PTPRD: variants seen among roughly 807,000 people sequenced by gnomAD.
PTPRD encodes the protein receptor-type tyrosine-protein phosphatase delta.
Under a neutral mutation model 214.5 loss-of-function variants are expected in PTPRD, and 34 were observed. The observed-to-expected ratio is 0.16, with a 90% CI of 0.12 to 0.21. The LOEUF is 0.21. PTPRD is among the 10% of genes least tolerant of loss of function. The pLI is 1.00. For synonymous variants in PTPRD, 1,128 were observed against 845.7 expected (o/e 1.33, Z -5.79); for missense variants, 2,545 against 2,398.7 (o/e 1.06, Z -1.27).
At chr9:8,929,593 G>T (rs1274693653) in intron 11 of PTPRD, among the ~76,000 whole-genome samples, 1 of 151,494 alleles carries the variant, frequency 6.6e-6, no homozygotes, top group African/African-American at 2.4e-5. Flanking sequence ...CGGTTTGCCA[G>T]TATTTTATTG....
intron 11 of PTPRD, among the ~76,000 whole-genome samples, chr9:8,933,298 G>C (rs1184158715): frequency 7.3e-6 from 1 of 136,892 alleles, no homozygotes; most frequent in African/African-American, 2.7e-5. Context: ...TTGCAGACCA[G>C]AGCTGTTCCT....
At chr9:8,414,800 C>A (rs78634967) in intron 35 of PTPRD, among the ~76,000 whole-genome samples, 1,802 of 149,384 alleles carry the variant, frequency 0.012, 50 homozygotes, top group African/African-American at 0.042. Context: ...TCTAGGCAAG[C>A]TTCATGACAG....
intron 7 of PTPRD, among the ~76,000 whole-genome samples, chr9:9,699,876 T>C (rs2097458157): frequency 6.6e-6 from 1 of 152,224 alleles, no homozygotes; most frequent in South Asian, 2.1e-4. Context: ...GCTCATTTAA[T>C]CTAGGGTTGC....
rs531447984 is a variant in PTPRD at position 10,454,429 on chromosome 9, G to A, written c.-599-113412C>T. Among the ~76,000 whole-genome samples the A allele has an allele frequency of 1.3e-4, 20 of 151,648 alleles. No homozygotes were observed. The South Asian group carries it at 4.1e-3, about 31-fold the overall frequency. On this transcript the variant is annotated intron_variant, in intron 2 of 45. Transcript: ENST00000381196. ...CTCAGAATACTTTTTTTAAAAAACT[G>A]AAATTGATTACTTGTACTTTGTCAT...
At chr9:10,177,795 A>G (rs1451688281) in intron 3 of PTPRD, among the ~76,000 whole-genome samples, 1 of 151,980 alleles carries the variant, frequency 6.6e-6, no homozygotes, top group Admixed American at 6.6e-5. Flanking sequence ...TCATATTTAA[A>G]TACTGACTCA....
intron 11 of PTPRD, chr9:8,857,493 G>A (rs981535892): frequency 1.3e-5 from 2 of 152,210 alleles, no homozygotes; most frequent in African/African-American, 2.4e-5. Context: ...GTGCGCTCCG[G>A]TGCCCGGGCG....
chr9:9,649,990 CA>C (rs1308551497), intron 7 of PTPRD, among the ~76,000 whole-genome samples: 6 of 151,992 alleles, frequency 3.9e-5, no homozygotes, highest in African/African-American at 1.4e-4. Flanking sequence ...GAAAGCATGC[CA>C]GGGGTAGAAT....
At chr9:9,571,022 G>A (rs1215849643) in intron 8 of PTPRD, among the ~76,000 whole-genome samples, 1 of 151,242 alleles carries the variant, frequency 6.6e-6, no homozygotes, top group Admixed American at 6.6e-5. Context: ...TACATTATGA[G>A]TTACTCTTAA....
At chr9:10,327,000 G>A (rs1248356225) in intron 3 of PTPRD, among the ~76,000 whole-genome samples, 1 of 151,192 alleles carries the variant, frequency 6.6e-6, no homozygotes, top group East Asian at 2.0e-4. Context: ...ATGTTCAAAC[G>A]ATCTTGTAAT....
At chr9:9,719,044 C>G (rs554266018) in intron 7 of PTPRD, among the ~76,000 whole-genome samples, 1 of 152,304 alleles carries the variant, frequency 6.6e-6, no homozygotes, top group Admixed American at 6.5e-5. Context: ...GGAGTCAGAA[C>G]TTCCTTGATG....
intron 11 of PTPRD, among the ~76,000 whole-genome samples, chr9:8,819,122 A>T (rs1014006996): frequency 6.6e-6 from 1 of 152,218 alleles, no homozygotes; most frequent in African/African-American, 2.4e-5. Flanking sequence ...CGTTGTTAGG[A>T]TCAAAGGAAA....
intron 5 of PTPRD, among the ~76,000 whole-genome samples, chr9:9,770,400 A>T (rs1472550258): frequency 1.3e-5 from 2 of 152,276 alleles, no homozygotes; most frequent in Admixed American, 6.5e-5. Context: ...TACTTTTTTT[A>T]AAATTTACAC....
intron 14 of PTPRD, among the ~76,000 whole-genome samples, chr9:8,578,005 T>C (rs761175982): frequency 6.6e-6 from 1 of 152,330 alleles, no homozygotes; most frequent in East Asian, 1.9e-4. Context: ...CTTCTGAATA[T>C]GCAATACACA....
intron 8 of PTPRD, among the ~76,000 whole-genome samples, chr9:9,534,239 T>C (rs2154266644): frequency 6.6e-6 from 1 of 152,280 alleles, no homozygotes; most frequent in Non-Finnish European, 1.5e-5. Flanking sequence ...ATATTATAGA[T>C]ATTCTTATGA....
chr9:9,905,807 T>C (rs1010538111), intron 5 of PTPRD, among the ~76,000 whole-genome samples: 2 of 151,884 alleles, frequency 1.3e-5, no homozygotes, highest in Non-Finnish European at 2.9e-5. Context: ...GGAAAAAGTA[T>C]ACAAACAAGG....
chr9:10,004,851 T>TAAAAGCAGATCAGGGTTTACTATTCACTC (rs1219887905), intron 4 of PTPRD, among the ~76,000 whole-genome samples: 1 of 152,170 alleles, frequency 6.6e-6, no homozygotes, highest in Admixed American at 6.6e-5. Context: ...TAGTTCTGTT[T>TAAAAGCAGATCAGGGTTTACTATTCACTC]AAAAGCAGAT....
At chr9:8,718,627 G>C (rs1040148947) in intron 12 of PTPRD, among the ~76,000 whole-genome samples, 1 of 152,054 alleles carries the variant, frequency 6.6e-6, no homozygotes, top group East Asian at 1.9e-4. Context: ...CAAGAGTTTT[G>C]TTTAATCTAA....
intron 10 of PTPRD, among the ~76,000 whole-genome samples, chr9:9,066,462 G>C (rs545042981): frequency 1.2e-3 from 184 of 152,102 alleles, no homozygotes; most frequent in African/African-American, 4.3e-3. Flanking sequence ...AAATTTCTTA[G>C]TTATTTAGTA....
At chr9:10,575,717 T>G (rs1347759158) in intron 2 of PTPRD, among the ~76,000 whole-genome samples, 1 of 152,096 alleles carries the variant, frequency 6.6e-6, no homozygotes, top group Non-Finnish European at 1.5e-5. Flanking sequence ...AAGAGACAGG[T>G]AGCATTGCTT....
Sources: gnomAD v4.1 joint callset for allele counts (sites outside exome capture counted in the v4.1 genomes callset) on GRCh38, gnomAD v4.1.1 for gene constraint, MANE v1.5 for transcripts, NCBI Gene and HGNC (gene_info 2026-07-23, HGNC 2026-07-21) for gene names.